The following CSMD3 variants were observed in gnomAD, a reference collection of about 807,000 sequenced individuals.
CSMD3 encodes the protein CUB and Sushi multiple domains 3.
Under a neutral mutation model 435.2 loss-of-function variants are expected in CSMD3, and 177 were observed. The observed-to-expected ratio is 0.41, with a 90% CI of 0.36 to 0.46. The LOEUF is 0.46. CSMD3 is among the 20% of genes least tolerant of loss of function. CSMD3 has a pLI of 0.34. For synonymous variants in CSMD3, 1,656 were observed against 1,520.5 expected (o/e 1.09, Z -2.07); for missense variants, 4,265 against 4,504.6 (o/e 0.95, Z 1.52).
intron 62 of CSMD3, among the ~76,000 whole-genome samples, chr8:112,254,801 C>T (rs1815627421): frequency 1.3e-5 from 2 of 151,804 alleles, no homozygotes. Flanking sequence ...GTAGATGTGT[C>T]GGTTTATTTG....
chr8:112,478,874 T>G (rs1011051465), intron 31 of CSMD3, among the ~76,000 whole-genome samples: 1 of 152,062 alleles, frequency 6.6e-6, no homozygotes, highest in Admixed American at 6.5e-5. Flanking sequence ...CCTTTTCCAA[T>G]AGTACCTACA....
chr8:112,713,797 AC>A (rs1297963092), intron 13 of CSMD3, among the ~76,000 whole-genome samples: 1 of 152,178 alleles, frequency 6.6e-6, no homozygotes, highest in Non-Finnish European at 1.5e-5. Context: ...GGAATTTTCA[AC>A]CCAGAATTTC....
intron 11 of CSMD3, among the ~76,000 whole-genome samples, chr8:112,849,313 G>A (rs1413049870): frequency 6.6e-6 from 1 of 151,848 alleles, no homozygotes; most frequent in African/African-American, 2.4e-5. Flanking sequence ...ACTCAATATT[G>A]ATAAAAGTAT....
intron 9 of CSMD3, 138 bp downstream of exon 9, chr8:112,947,649 ATAT>A (rs2083659518): frequency 2.0e-6 from 1 of 504,636 alleles, no homozygotes; most frequent in Non-Finnish European, 3.5e-6. Flanking sequence ...AAATAATTAG[ATAT>A]TATTAATAAC....
chr8:113,063,028 T>G (rs1274980208), intron 5 of CSMD3, among the ~76,000 whole-genome samples: 1 of 151,720 alleles, frequency 6.6e-6, no homozygotes, highest in Non-Finnish European at 1.5e-5. Flanking sequence ...TTGCATCATA[T>G]TTTGACTGTT....
At chr8:113,147,525 C>A (rs1255660739) in intron 4 of CSMD3, among the ~76,000 whole-genome samples, 2 of 151,752 alleles carry the variant, frequency 1.3e-5, no homozygotes, top group African/African-American at 4.8e-5. Context: ...TACTTCAGCG[C>A]TTTTGGATGT....
chr8:112,635,352 C>T lies in CSMD3; in HGVS notation c.3715+1465G>A, dbSNP rs555595124. 7.9e-5 allele frequency among the ~76,000 whole-genome samples: 12 copies of T among 152,104 alleles called. No homozygotes were observed. In the South Asian group the frequency reaches 2.5e-3, roughly 32 times the overall value. On this transcript the variant is annotated intron_variant, in intron 22 of 70. Coordinates refer to ENST00000297405, the MANE Select transcript of CSMD3 (RefSeq NM_198123.2). ...TGAGAAAAGTGAATTGGCCAAATAT[C>T]AAATGGTCAGGCACTCTGTAGCCCT...
At chr8:112,633,982 T>G (rs1408905428) in intron 22 of CSMD3, among the ~76,000 whole-genome samples, 3 of 152,038 alleles carry the variant, frequency 2.0e-5, no homozygotes, top group Non-Finnish European at 4.4e-5. Flanking sequence ...AGCAGCAAAC[T>G]TTTGAAATAC....
Position 112,804,672 on chromosome 8 carries a change from TTTA to T in CSMD3, c.1860-4401_1860-4399del, listed in dbSNP as rs760261551. 6.6e-3 allele frequency among the ~76,000 whole-genome samples: 942 copies of T among 143,748 alleles called. 7 individuals carry two copies. Among genetic ancestry groups the T allele is most frequent in the Admixed American group, 0.016 (234 of 14,512 alleles). 94.3% of individuals were successfully genotyped at this position (143,748 alleles called of 152,430 possible). A position where few individuals can be genotyped will look rare whatever the true frequency, so the allele number is the denominator to read the frequency against. Reference sequence around the variant, plus strand: ...TTGCATTTATTTTATTTTATTTTATTTTATTTTTTTTGAGATGAAGTCTCGCTC... The same window carrying T: ...TTGCATTTATTTTATTTTATTTTATTTTTTTTTTGAGATGAAGTCTCGCTC... On this transcript the variant is annotated intron_variant, in intron 12 of 70. Coordinates refer to ENST00000297405, the MANE Select transcript of CSMD3 (RefSeq NM_198123.2).
At chr8:112,241,164 A>G (rs866662148) in intron 66 of CSMD3, among the ~76,000 whole-genome samples, 2 of 151,976 alleles carry the variant, frequency 1.3e-5, no homozygotes, top group Non-Finnish European at 1.5e-5. Flanking sequence ...ATAGAAAAAG[A>G]TATGGAGATT....
At chr8:113,215,407 C>A (rs375322138) in intron 3 of CSMD3, among the ~76,000 whole-genome samples, 27 of 151,838 alleles carry the variant, frequency 1.8e-4, no homozygotes, top group African/African-American at 6.3e-4. Flanking sequence ...TAGATTTAAC[C>A]TTTCTTAGGC....
At chr8:112,350,565 C>A (rs540594311) in intron 40 of CSMD3, among the ~76,000 whole-genome samples, 16 of 151,866 alleles carry the variant, frequency 1.1e-4, no homozygotes, top group Non-Finnish European at 1.6e-4. Context: ...CCTCACATTA[C>A]TTTCTCTTAC....
At chr8:113,212,257 T>C (rs2092845162) in intron 3 of CSMD3, among the ~76,000 whole-genome samples, 1 of 152,138 alleles carries the variant, frequency 6.6e-6, no homozygotes, top group South Asian at 2.1e-4. Flanking sequence ...TAAGTGAATA[T>C]AATAAAATCT....
chr8:112,772,547 C>T (rs1027783605), intron 13 of CSMD3, among the ~76,000 whole-genome samples: 13 of 151,994 alleles, frequency 8.6e-5, no homozygotes, highest in Non-Finnish European at 1.8e-4. Flanking sequence ...TGAAATATGG[C>T]CTCGTGGGAA....
At chr8:113,259,379 GA>G (rs1405078342) in intron 3 of CSMD3, among the ~76,000 whole-genome samples, 7 of 152,146 alleles carry the variant, frequency 4.6e-5, no homozygotes, top group African/African-American at 1.7e-4. Flanking sequence ...GCCTCAGGCA[GA>G]AACATGAGTG....
intron 5 of CSMD3, among the ~76,000 whole-genome samples, chr8:113,087,789 T>G (rs1244241739): frequency 6.6e-6 from 1 of 152,186 alleles, no homozygotes; most frequent in East Asian, 1.9e-4. Flanking sequence ...ATTCAGGACA[T>G]AGGCATGTGC....
At chr8:113,407,460 C>T (rs1014247914) in intron 1 of CSMD3, among the ~76,000 whole-genome samples, 22 of 152,016 alleles carry the variant, frequency 1.4e-4, no homozygotes, top group African/African-American at 4.3e-4. Flanking sequence ...CTTTGCACTG[C>T]ATAGACTCAA....
At chr8:112,297,900 C>A (rs189101456) in intron 53 of CSMD3, among the ~76,000 whole-genome samples, 55 of 151,890 alleles carry the variant, frequency 3.6e-4, no homozygotes, top group Non-Finnish European at 3.5e-4. Context: ...GCAGGAGGAT[C>A]TTTTGAGGCC....
At chr8:112,319,149 G>C (rs1457786196) in intron 46 of CSMD3, among the ~76,000 whole-genome samples, 199 bp from the exon 47 acceptor site, 2 of 152,012 alleles carry the variant, frequency 1.3e-5, no homozygotes, top group Admixed American at 1.3e-4. Context: ...AGGACTGAAG[G>C]CAAAAGTGAA....
Sources: allele counts gnomAD v4.1 joint callset (sites outside exome capture counted in the v4.1 genomes callset), GRCh38; gene constraint gnomAD v4.1.1; transcripts MANE v1.5; gene names NCBI Gene and HGNC (gene_info 2026-07-23, HGNC 2026-07-21).